ANK2: variants seen among roughly 807,000 people sequenced by gnomAD.
ANK2 encodes the protein ankyrin-2.
ANK2 carries 83 observed loss-of-function variants against 360.5 expected under a neutral mutation model. The ratio of observed to expected loss-of-function variants is 0.23; its 90% CI spans 0.19 to 0.28. ANK2 has a LOEUF of 0.28. Among genes scored for constraint, ANK2 ranks in the 10% least tolerant of loss-of-function variants. The pLI is 1.00. For missense variants in ANK2, 4,201 were observed against 4,795.7 expected (o/e 0.88, Z 3.66); for synonymous variants, 1,740 against 1,759.5 (o/e 0.99, Z 0.28).
intron 2 of ANK2, among the ~76,000 whole-genome samples, chr4:113,187,443 C>T (rs748723684): frequency 2.5e-4 from 38 of 152,246 alleles, no homozygotes; most frequent in Admixed American, 1.1e-3. Context: ...CCCTTTTTAA[C>T]AACTCTACTT....
intron 2 of ANK2, among the ~76,000 whole-genome samples, chr4:113,024,680 A>G (rs1409704118): frequency 6.6e-6 from 1 of 152,212 alleles, no homozygotes; most frequent in Non-Finnish European, 1.5e-5. Flanking sequence ...CAATGGCATT[A>G]TGCAAATTTA....
At chr4:113,149,184 G>C (rs2096943688) in intron 1 of ANK2, 1 of 152,186 alleles carries the variant, frequency 6.6e-6, no homozygotes, top group Non-Finnish European at 1.5e-5. Context: ...TGGAGGATTG[G>C]ATTAGGATGT....
intron 2 of ANK2, among the ~76,000 whole-genome samples, chr4:112,932,573 CT>C (rs551444301): frequency 0.047 from 6,758 of 143,902 alleles, 215 homozygotes; most frequent in Non-Finnish European, 0.075. Context: ...GCAGCTGTGA[CT>C]TTTTTTTTTC....
rs72910268 is a variant in ANK2 at position 113,107,053 on chromosome 4, C to T, written c.84+57241C>T. 2,826 of 391,474 alleles carry T rather than the reference C, an allele frequency of 7.2e-3. 65 individuals are homozygous for T. The highest frequency in any genetic ancestry group is 0.053 in the African/African-American group (2,511 of 47,630). 24.3% of individuals were successfully genotyped at this position (391,474 alleles called of 1,614,324 possible). On this transcript the variant is annotated intron_variant, in intron 1 of 45. Transcript: ENST00000357077. ...CATTCGAAACAAAGCTTTTGTGAGGCGTCCCTTTATTCTGATTAAGGCCTG... is the reference window on the plus strand; with the variant it reads ...CATTCGAAACAAAGCTTTTGTGAGGTGTCCCTTTATTCTGATTAAGGCCTG...
the ANK2 span, among the ~76,000 whole-genome samples, chr4:112,752,740 G>A: frequency 1.3e-5 from 2 of 152,054 alleles, no homozygotes; most frequent in African/African-American, 2.4e-5. Context: ...AGTGGAAATC[G>A]CTGCAGCCTC....
the ANK2 span, among the ~76,000 whole-genome samples, chr4:112,750,141 C>G: frequency 6.6e-6 from 1 of 152,012 alleles, no homozygotes; most frequent in African/African-American, 2.4e-5. Flanking sequence ...GGTGCAATCA[C>G]AGCTCACTGG....
At chr4:113,323,771 A>G (rs1331156266) in intron 26 of ANK2, 1 of 1,611,812 alleles carries the variant, frequency 6.2e-7, no homozygotes, top group Non-Finnish European at 8.5e-7. Flanking sequence ...GCGCCTCTCC[A>G]TGTCTTGAAC....
At chr4:113,105,979 T>G (rs2093579969) in intron 1 of ANK2, among the ~76,000 whole-genome samples, 1 of 152,218 alleles carries the variant, frequency 6.6e-6, no homozygotes, top group Non-Finnish European at 1.5e-5. Context: ...CTTATAAATA[T>G]TTTGCTAATG....
At chr4:113,077,338 C>A (rs2154344721) in intron 1 of ANK2, among the ~76,000 whole-genome samples, 1 of 152,076 alleles carries the variant, frequency 6.6e-6, no homozygotes, top group African/African-American at 2.4e-5. Flanking sequence ...TTGGTCATAT[C>A]TTGAATATTA....
intron 4 of ANK2, among the ~76,000 whole-genome samples, chr4:113,219,035 C>A (rs1325574430): frequency 1.3e-5 from 2 of 152,088 alleles, no homozygotes; most frequent in African/African-American, 2.4e-5. Flanking sequence ...AAGTAGTCAG[C>A]ATTTTTGCTT....
At chr4:112,933,502 TC>T (rs2093443489) in intron 2 of ANK2, among the ~76,000 whole-genome samples, 1 of 147,744 alleles carries the variant, frequency 6.8e-6, no homozygotes, top group Admixed American at 7.0e-5. Flanking sequence ...ACAGTCTAAT[TC>T]TTTTTTTTTT....
chr4:113,249,296 T>C (rs893778201), intron 9 of ANK2, among the ~76,000 whole-genome samples: 2 of 152,342 alleles, frequency 1.3e-5, no homozygotes, highest in South Asian at 4.1e-4. Flanking sequence ...AGAACATATG[T>C]GAAAAAATTA....
the ANK2 span, among the ~76,000 whole-genome samples, chr4:112,770,768 T>C: frequency 6.6e-6 from 1 of 152,076 alleles, no homozygotes; most frequent in South Asian, 2.1e-4. Context: ...AACAGATTTC[T>C]GAGGGCCATC....
At chr4:112,828,661 C>CA (rs2058993470) in intron 1 of ANK2, among the ~76,000 whole-genome samples, 1 of 152,082 alleles carries the variant, frequency 6.6e-6, no homozygotes. Context: ...TGCAACAAAA[C>CA]AAAAAATTGA....
chr4:113,157,752 T>TTCCAC (rs1479168098), intron 1 of ANK2, among the ~76,000 whole-genome samples: 5 of 152,140 alleles, frequency 3.3e-5, no homozygotes, highest in Admixed American at 2.0e-4. Context: ...ATTTAGCACC[T>TTCCAC]TTGGGGGAAC....
At chr4:113,350,551 T>G (rs1440857428) in intron 37 of ANK2, 1 of 311,384 alleles carries the variant, frequency 3.2e-6, no homozygotes, top group Non-Finnish European at 6.0e-6. Flanking sequence ...CCCTACCGTT[T>G]TGTCCATTTG....
At chr4:113,084,691 G>A (rs571484018) in intron 1 of ANK2, among the ~76,000 whole-genome samples, 1 of 152,124 alleles carries the variant, frequency 6.6e-6, no homozygotes, top group African/African-American at 2.4e-5. Context: ...TCTTTCTGTA[G>A]TTGCTCAAAT....
At chr4:113,292,322 T>C (rs2068129803) in intron 20 of ANK2, 94 bp from the exon 21 acceptor site, 1 of 1,128,928 alleles carries the variant, frequency 8.9e-7, no homozygotes, top group Non-Finnish European at 1.3e-6. Flanking sequence ...GTGATGGTTT[T>C]GTTGTAAATA....
intron 1 of ANK2, among the ~76,000 whole-genome samples, chr4:113,102,891 T>C (rs936835586): frequency 6.6e-6 from 1 of 152,132 alleles, no homozygotes; most frequent in Non-Finnish European, 1.5e-5. Context: ...TCCCAAGTTA[T>C]TTTCCTATCC....
Sources: allele counts gnomAD v4.1 joint callset (sites outside exome capture counted in the v4.1 genomes callset), GRCh38; gene constraint gnomAD v4.1.1; transcripts MANE v1.5; gene names NCBI Gene and HGNC (gene_info 2026-07-23, HGNC 2026-07-21).